PPFIBP2: variants seen among roughly 807,000 people sequenced by gnomAD.
PPFIBP2 encodes PPFIB scaffold protein 2, also known as liprin-beta-2.
In PPFIBP2, 118 loss-of-function variants were observed where a neutral mutation model predicts 118.3. That is an observed-to-expected ratio of 1.00 (90% CI 0.86 to 1.16). The LOEUF (loss-of-function observed/expected upper bound fraction) is 1.16. Ranked by LOEUF, PPFIBP2 falls within the 50% of genes most tolerant of loss-of-function variation. The pLI is 0.00. For synonymous variants in PPFIBP2, 414 were observed against 397.4 expected (o/e 1.04, Z -0.50); for missense variants, 1,195 against 1,073.1 (o/e 1.11, Z -1.59).
At chr11:7,536,926 A>T (rs1851280358) in intron 1 of PPFIBP2, among the ~76,000 whole-genome samples, 1 of 152,040 alleles carries the variant, frequency 6.6e-6, no homozygotes, top group Non-Finnish European at 1.5e-5. Context: ...GGAGTCAAGG[A>T]AGTGTGGGAA....
At chr11:7,657,352 T>C (rs1047856506), downstream of PPFIBP2, among the ~76,000 whole-genome samples, 3 of 152,138 alleles carry the variant, frequency 2.0e-5, no homozygotes, top group African/African-American at 7.2e-5. Flanking sequence ...ACGAGGCTCC[T>C]TACCCACAGC....
chr11:7,605,822 T>G, intron 5 of PPFIBP2: 1 of 1,369,608 alleles, frequency 7.3e-7, no homozygotes, highest in Non-Finnish European at 9.4e-7. Context: ...GAGCTGAAGA[T>G]TTTAGAAGCA....
rs748488847 is a variant in PPFIBP2 at position 7,648,523 on chromosome 11, C to T, written c.1783C>T (p.Gln595Ter). The change falls in exon 18 of 24, where the codon CAG becomes TAG. Residue 595 changes from glutamine (Q) to a stop codon, truncating the protein, a stop_gained. Coordinates refer to ENST00000299492, the MANE Select transcript of PPFIBP2 (RefSeq NM_003621.5). LOFTEE classifies it high-confidence loss of function. ...SGHTLLTATP[Q>*]DMEKELGIKH... Reference sequence around the variant, plus strand: ...CCACACCTTATTGACAGCCACCCCTCAGGACATGGAAAAGGTAAGGGCTCA... The same window carrying T: ...CCACACCTTATTGACAGCCACCCCTTAGGACATGGAAAAGGTAAGGGCTCA... 6.2e-7 allele frequency: 1 copy of T among 1,614,078 alleles called. No homozygotes were observed. Among genetic ancestry groups the T allele is most frequent in the Non-Finnish European group, 8.5e-7 (1 of 1,180,004 alleles).
chr11:7,569,505 C>A lies in PPFIBP2; in HGVS notation c.279+3738C>A, dbSNP rs183458285. ...AAGGCTTTCTTAATGGGGATACCCTCTGGGGCCTCAGTGGGGCAAGGAACA... is the reference window on the plus strand; with the variant it reads ...AAGGCTTTCTTAATGGGGATACCCTATGGGGCCTCAGTGGGGCAAGGAACA... On this transcript the variant is annotated intron_variant, in intron 3 of 23. Coordinates refer to ENST00000299492, the MANE Select transcript of PPFIBP2 (RefSeq NM_003621.5). 1.3e-3 allele frequency among the ~76,000 whole-genome samples: 202 copies of A among 152,336 alleles called. 2 individuals are homozygous for A. The highest frequency in any genetic ancestry group is 4.7e-3 in the African/African-American group (195 of 41,580).
downstream of PPFIBP2, among the ~76,000 whole-genome samples, chr11:7,658,146 T>C (rs979329431): frequency 1.3e-5 from 2 of 152,138 alleles, no homozygotes; most frequent in Non-Finnish European, 1.5e-5. Context: ...GAGCATGTTG[T>C]CATTTTTTTT....
intron 3 of PPFIBP2, among the ~76,000 whole-genome samples, chr11:7,571,223 CAAA>C (rs1855616000): frequency 6.6e-6 from 1 of 152,164 alleles, no homozygotes; most frequent in African/African-American, 2.4e-5. Flanking sequence ...TCCCAAGAAA[CAAA>C]GAAACCCAGA....
chr11:7,607,468 C>T (rs562191323), intron 5 of PPFIBP2, among the ~76,000 whole-genome samples: 1 of 152,180 alleles, frequency 6.6e-6, no homozygotes, highest in African/African-American at 2.4e-5. Flanking sequence ...ATGATCCACC[C>T]ACCTCAGCCT....
downstream of PPFIBP2, among the ~76,000 whole-genome samples, chr11:7,657,803 C>T (rs114031089): frequency 3.7e-3 from 567 of 152,318 alleles, 4 homozygotes; most frequent in African/African-American, 0.013. Flanking sequence ...CCCACAGTGC[C>T]GTGTCTGCCC....
intron 6 of PPFIBP2, among the ~76,000 whole-genome samples, chr11:7,612,017 G>A (rs1242866646): frequency 6.6e-6 from 1 of 152,212 alleles, no homozygotes; most frequent in Non-Finnish European, 1.5e-5. Flanking sequence ...CATAAACTCT[G>A]TGAGAAGGCT....
intron 2 of PPFIBP2, among the ~76,000 whole-genome samples, chr11:7,559,749 C>T (rs1313941505): frequency 2.0e-5 from 3 of 152,154 alleles, no homozygotes; most frequent in African/African-American, 4.8e-5. Flanking sequence ...TTTCAACTTA[C>T]TGCTTTCACT....
At chr11:7,515,627 C>G (rs1323780416) in intron 1 of PPFIBP2, among the ~76,000 whole-genome samples, 1 of 152,166 alleles carries the variant, frequency 6.6e-6, no homozygotes, top group Non-Finnish European at 1.5e-5. Context: ...ATGGACTCAC[C>G]ATGAGAAGTG....
intron 3 of PPFIBP2, among the ~76,000 whole-genome samples, chr11:7,585,544 G>A (rs1239512082): frequency 6.6e-6 from 1 of 152,214 alleles, no homozygotes; most frequent in Admixed American, 6.5e-5. Flanking sequence ...GCATCCCTGA[G>A]GTGTACCAGA....
chr11:7,634,552 G>C lies in PPFIBP2; in HGVS notation c.1194G>C (p.Lys398Asn), dbSNP rs754529128. Residue 398 changes from lysine to asparagine, a missense_variant and splice_region_variant, in exon 13 of 24, where the codon AAG (lysine) becomes AAC (asparagine). Transcript: ENST00000299492. Reference sequence around the variant, plus strand: ...ACTTGAGAAGTGAATCTGTGGATAAGGTCGGCTCATCAACCTATCCTTAAA... The same window carrying C: ...ACTTGAGAAGTGAATCTGTGGATAACGTCGGCTCATCAACCTATCCTTAAA... ...LEDLRSESVDKCMDGNQPFPV... is the reference protein window; with the variant it reads ...LEDLRSESVDNCMDGNQPFPV... The C allele has an allele frequency of 3.7e-6, 6 of 1,612,402 alleles. No homozygotes were observed. The South Asian group carries it at 6.6e-5, about 18-fold the overall frequency.
downstream of PPFIBP2, chr11:7,655,417 G>A (rs1350672125): frequency 7.8e-7 from 1 of 1,289,610 alleles, no homozygotes; most frequent in Non-Finnish European, 1.0e-6. Context: ...TGACCAGGCT[G>A]CTGCCCATTT....
At chr11:7,526,163 A>G (rs994195842) in intron 1 of PPFIBP2, among the ~76,000 whole-genome samples, 3 of 152,194 alleles carry the variant, frequency 2.0e-5, no homozygotes, top group African/African-American at 4.8e-5. Context: ...AGTTTATGAA[A>G]TAACAGGGAG....
At chr11:7,625,223 G>A (rs1565079300) in intron 7 of PPFIBP2, among the ~76,000 whole-genome samples, 1 of 152,198 alleles carries the variant, frequency 6.6e-6, no homozygotes, top group Non-Finnish European at 1.5e-5. Flanking sequence ...AGGTTGGGCA[G>A]AGGCAGTGAC....
intron 14 of PPFIBP2, 118 bp downstream of exon 14, chr11:7,635,711 C>T: frequency 9.0e-7 from 1 of 1,105,814 alleles, no homozygotes; most frequent in Non-Finnish European, 1.3e-6. Context: ...AGTAAGAGGG[C>T]AAGAGGAAAG....
At chr11:7,515,064 C>T (rs542046775) in intron 1 of PPFIBP2, among the ~76,000 whole-genome samples, 40 of 152,186 alleles carry the variant, frequency 2.6e-4, no homozygotes, top group Non-Finnish European at 4.4e-4. Context: ...AGTTGGTTTT[C>T]GACATAATTC....
At position 7,557,270 on chromosome 11, in the gene PPFIBP2, A is replaced by G. The variant is rs1339911975; in HGVS notation, c.64+7731A>G. Among the ~76,000 whole-genome samples, 6 of 149,242 alleles carry G rather than the reference A, an allele frequency of 4.0e-5. 1 individual carries two copies. Among genetic ancestry groups the G allele is most frequent in the African/African-American group, 1.2e-4 (5 of 40,458 alleles). ...TGTATTTTTTTTTTCAGATTTTCCT[A>G]TTTTTTAAAATCATGCTTTCCTTTT... is the stretch of plus-strand genomic sequence containing the variant. On this transcript the variant is annotated intron_variant, in intron 2 of 23. Transcript: ENST00000299492.
Sources: allele counts gnomAD v4.1 joint callset (sites outside exome capture counted in the v4.1 genomes callset), GRCh38; gene constraint gnomAD v4.1.1; transcripts MANE v1.5; gene names NCBI Gene and HGNC (gene_info 2026-07-23, HGNC 2026-07-21).